The following NAPB variants were observed in gnomAD, a reference collection of about 807,000 sequenced individuals.
The protein encoded by NAPB is NSF attachment protein beta, also known as beta-soluble NSF attachment protein.
NAPB carries 26 observed loss-of-function variants against 44.7 expected under a neutral mutation model. That is an observed-to-expected ratio of 0.58 (90% CI 0.43 to 0.81). NAPB has a LOEUF of 0.81. Ranked by LOEUF, NAPB falls within the 30% of genes least tolerant of loss-of-function variation. The pLI, the probability that NAPB is intolerant of heterozygous loss-of-function variation, is 0.00. For synonymous variants in NAPB, 120 were observed against 116.8 expected (o/e 1.03, Z -0.18); for missense variants, 315 against 356.4 (o/e 0.88, Z 0.94).
intron 7 of NAPB, among the ~76,000 whole-genome samples, chr20:23,385,366 A>C (rs1383743435): frequency 6.6e-6 from 1 of 152,218 alleles, no homozygotes; most frequent in Non-Finnish European, 1.5e-5. Flanking sequence ...GCTGCAAAGT[A>C]TGTGACGCAA....
At chr20:23,382,526 T>C (rs6137919) in intron 7 of NAPB, among the ~76,000 whole-genome samples, 11,547 of 149,866 alleles carry the variant, frequency 0.077, 672 homozygotes, top group East Asian at 0.3. Flanking sequence ...GAAGCCCTCA[T>C]AAAAATGCTC....
intron 5 of NAPB, among the ~76,000 whole-genome samples, chr20:23,394,326 C>T (rs756916109): frequency 1.6e-4 from 24 of 151,960 alleles, no homozygotes; most frequent in Non-Finnish European, 2.9e-4. Flanking sequence ...GGAAGGACAC[C>T]GCTCACAAAA....
chr20:23,405,558 T>C (rs950107984), intron 1 of NAPB, among the ~76,000 whole-genome samples: 2 of 151,998 alleles, frequency 1.3e-5, no homozygotes, highest in African/African-American at 4.8e-5. Context: ...CCTCCATCTC[T>C]AGTAAAAATA....
intron 4 of NAPB, 21 bp from the exon 5 acceptor site, chr20:23,395,020 C>CAGT: frequency 3.7e-6 from 6 of 1,613,750 alleles, no homozygotes; most frequent in Non-Finnish European, 5.1e-6. Context: ...AAACAAGAAA[C>CAGT]AGTCACACAC....
In NAPB at chr20:23,411,647, A is replaced by G. The variant is rs558039218; in HGVS notation, c.99-8575T>C. Among the ~76,000 whole-genome samples the G allele has an allele frequency of 3.3e-5, 5 of 151,990 alleles. 1 individual carries two copies. Among genetic ancestry groups the G allele is most frequent in the Admixed American group, 1.3e-4 (2 of 15,244 alleles). ...CAAAGTACAAACAGCTTAAAAAAAA[A>G]GGGATATTAGAGAACAAGAGATGTA... On this transcript the variant is annotated intron_variant, in intron 1 of 10. Transcript: ENST00000377026.
At chr20:23,392,822 C>T (rs1372933168) in intron 5 of NAPB, among the ~76,000 whole-genome samples, 2 of 147,826 alleles carry the variant, frequency 1.4e-5, no homozygotes. Flanking sequence ...TGTACCTGGC[C>T]TTTTTTTTTT....
chr20:23,397,295 G>T, intron 2 of NAPB, 107 bp from the exon 3 acceptor site: 2 of 1,344,968 alleles, frequency 1.5e-6, no homozygotes, highest in Non-Finnish European at 9.8e-7. Context: ...CTGAAAAGAA[G>T]CATTCTAGTC....
chr20:23,401,927 A>C (rs1338865904), intron 2 of NAPB, among the ~76,000 whole-genome samples: 1 of 152,206 alleles, frequency 6.6e-6, no homozygotes. Context: ...TAAATAAGTA[A>C]GTAAGTGATC....
intron 1 of NAPB, among the ~76,000 whole-genome samples, chr20:23,419,384 G>T (rs1332578008): frequency 6.6e-6 from 1 of 152,146 alleles, no homozygotes; most frequent in Non-Finnish European, 1.5e-5. Flanking sequence ...AAAAACAAAG[G>T]CTTTTCAAAA....
chr20:23,392,484 GAA>G (rs1600574145), intron 5 of NAPB, among the ~76,000 whole-genome samples: 1 of 152,008 alleles, frequency 6.6e-6, no homozygotes, highest in African/African-American at 2.4e-5. Context: ...TGGGCAACAT[GAA>G]AAGACCTCAT....
chr20:23,390,151 A>AT (rs979054579), intron 6 of NAPB, 58 bp downstream of exon 6: 139 of 1,535,116 alleles, frequency 9.1e-5, no homozygotes, highest in Non-Finnish European at 1.2e-4. Context: ...ATAAAGAAGT[A>AT]TTTTTTTATC....
intron 1 of NAPB, among the ~76,000 whole-genome samples, chr20:23,407,427 A>G (rs546870507): frequency 3.3e-5 from 5 of 151,470 alleles, no homozygotes; most frequent in African/African-American, 1.2e-4. Flanking sequence ...GACATTAAGA[A>G]GCTAAACTGA....
In NAPB at chr20:23,421,380, C is replaced by G. The variant is rs1986423903; in HGVS notation, c.23G>C (p.Arg8Pro). Residue 8 changes from arginine to proline, a missense_variant, in exon 1 of 11, where the codon CGT becomes CCT. This residue lies in a region of NAPB where 179 missense variants were observed against 182.5 expected (regional missense o/e 0.98). Coordinates refer to ENST00000377026, the MANE Select transcript of NAPB (RefSeq NM_022080.3). The part of the protein sequence containing the change: MDNAGKE[R>P]EAVQLMAEAE... ...CTCCGCCATCAGCTGTACTGCCTCA[C>G]GCTCCTTCCCCGCGTTGTCCATGTC... 1 of 1,549,974 alleles carries G rather than the reference C, an allele frequency of 6.5e-7. No homozygotes were observed. The highest frequency in any genetic ancestry group is 8.7e-7 in the Non-Finnish European group (1 of 1,147,198).
chr20:23,415,240 T>C (rs1216042918), intron 1 of NAPB, among the ~76,000 whole-genome samples: 1 of 152,160 alleles, frequency 6.6e-6, no homozygotes, highest in African/African-American at 2.4e-5. Flanking sequence ...AAGTTAAAAA[T>C]GGTTGCTTCT....
chr20:23,414,595 AG>A (rs904199767), intron 1 of NAPB, among the ~76,000 whole-genome samples: 1 of 152,224 alleles, frequency 6.6e-6, no homozygotes, highest in African/African-American at 2.4e-5. Context: ...CCTTAATTCA[AG>A]GAAGTATTGA....
intron 1 of NAPB, among the ~76,000 whole-genome samples, chr20:23,408,030 C>T (rs769668373): frequency 6.6e-6 from 1 of 152,170 alleles, no homozygotes; most frequent in Admixed American, 6.5e-5. Context: ...AGGCTGACAA[C>T]TCCTGAGATA....
intron 5 of NAPB, 33 bp downstream of exon 5, chr20:23,394,889 C>T (rs771633902): frequency 4.4e-6 from 7 of 1,597,680 alleles, no homozygotes; most frequent in Non-Finnish European, 6.0e-6. Flanking sequence ...TATCTGCCTG[C>T]TTCACATCTG....
At chr20:23,386,327 A>G (rs1482586163) in intron 7 of NAPB, among the ~76,000 whole-genome samples, 1 of 152,216 alleles carries the variant, frequency 6.6e-6, no homozygotes, top group African/African-American at 2.4e-5. Context: ...CAGTGAAAAT[A>G]AAAACAAAAA....
intron 1 of NAPB, among the ~76,000 whole-genome samples, chr20:23,409,023 C>T (rs904334967): frequency 2.0e-5 from 3 of 152,176 alleles, no homozygotes; most frequent in Non-Finnish European, 2.9e-5. Flanking sequence ...AATGCAGAAG[C>T]CCAAGGTATG....
Sources: allele counts gnomAD v4.1 joint callset (sites outside exome capture counted in the v4.1 genomes callset), GRCh38; gene constraint gnomAD v4.1.1; regional missense constraint gnomAD v4.1.1; transcripts MANE v1.5; gene names NCBI Gene and HGNC (gene_info 2026-07-23, HGNC 2026-07-21).